The following PCBD2 variants were observed in gnomAD, a reference collection of about 807,000 sequenced individuals.
The protein encoded by PCBD2 is pterin-4 alpha-carbinolamine dehydratase 2, also known as pterin-4-alpha-carbinolamine dehydratase 2.
In PCBD2, 12 loss-of-function variants were observed where a neutral mutation model predicts 16.4. The ratio of observed to expected loss-of-function variants is 0.73; its 90% confidence interval spans 0.47 to 1.19. The LOEUF is 1.19. PCBD2 is among the 50% of genes most tolerant of loss of function. PCBD2 has a pLI of 0.00. For synonymous variants in PCBD2, 58 were observed against 61.8 expected (o/e 0.94, Z 0.29); for missense variants, 138 against 156.8 (o/e 0.88, Z 0.64).
At chr5:134,932,848 CTA>C (rs760834989) in intron 2 of PCBD2, among the ~76,000 whole-genome samples, 71 of 152,020 alleles carry the variant, frequency 4.7e-4, no homozygotes, top group Non-Finnish European at 8.1e-4. Context: ...TTCCATTTTT[CTA>C]TGTGTTTAAA....
Position 134,960,660 on chromosome 5 carries a change from A to G in PCBD2, c.372A>G (p.Glu124=). 6.2e-7 allele frequency: 1 copy of G among 1,611,946 alleles called. No homozygotes were observed. Among genetic ancestry groups the G allele is most frequent in the South Asian group, 1.1e-5 (1 of 90,990 alleles). The change falls in exon 4 of 4, where the codon GAA becomes GAG. Residue 124 remains glutamate (E), a synonymous_variant. Transcript: ENST00000254908. ...ATGTGAAGCTGGCCAAGTTTATTGAAAAAGCAGCTGCTTCTGTGTGATTTC... is the reference window on the plus strand; with the variant it reads ...ATGTGAAGCTGGCCAAGTTTATTGAGAAAGCAGCTGCTTCTGTGTGATTTC... The part of the protein sequence containing the change: ...KKDVKLAKFI[E]KAAASV
intron 2 of PCBD2, among the ~76,000 whole-genome samples, chr5:134,919,743 G>T (rs1750879957): frequency 1.3e-5 from 2 of 152,152 alleles, no homozygotes; most frequent in African/African-American, 4.8e-5. Flanking sequence ...ATAATTGAAA[G>T]GAGACCTTAA....
At chr5:134,946,691 A>C (rs1007281938) in intron 2 of PCBD2, among the ~76,000 whole-genome samples, 3 of 152,216 alleles carry the variant, frequency 2.0e-5, no homozygotes, top group Non-Finnish European at 4.4e-5. Context: ...TGCTTATAGA[A>C]AATGTATTTA....
At chr5:134,959,420 A>C (rs941994292) in intron 3 of PCBD2, among the ~76,000 whole-genome samples, 7 of 152,232 alleles carry the variant, frequency 4.6e-5, no homozygotes, top group Non-Finnish European at 8.8e-5. Flanking sequence ...TTCAAAACTT[A>C]AGGTAAATTA....
intron 2 of PCBD2, among the ~76,000 whole-genome samples, chr5:134,936,691 A>G (rs1213478593): frequency 6.6e-6 from 1 of 152,212 alleles, no homozygotes; most frequent in Non-Finnish European, 1.5e-5. Context: ...GACAGGATTC[A>G]TGACATGCTG....
chr5:134,955,998 G>A (rs1172235963), intron 2 of PCBD2, among the ~76,000 whole-genome samples: 4 of 152,118 alleles, frequency 2.6e-5, no homozygotes. Context: ...AAATTCCTTG[G>A]AGTAGTTCTT....
chr5:134,917,089 A>G (rs1750842588), intron 2 of PCBD2, among the ~76,000 whole-genome samples: 1 of 152,252 alleles, frequency 6.6e-6, no homozygotes, highest in Admixed American at 6.5e-5. Flanking sequence ...ACAAAATGTC[A>G]GGTAGAAATG....
At chr5:134,937,358 C>A (rs1751171820) in intron 2 of PCBD2, among the ~76,000 whole-genome samples, 1 of 152,084 alleles carries the variant, frequency 6.6e-6, no homozygotes. Context: ...TTTTCCCTTA[C>A]TAAAAAAGAT....
At chr5:134,922,366 C>T (rs1750914889) in intron 2 of PCBD2, among the ~76,000 whole-genome samples, 1 of 151,594 alleles carries the variant, frequency 6.6e-6, no homozygotes, top group Non-Finnish European at 1.5e-5. Flanking sequence ...TTCTTTTCTT[C>T]CTTTATTCAA....
chr5:134,935,392 TA>T (rs2149536256), intron 2 of PCBD2, among the ~76,000 whole-genome samples: 1 of 152,360 alleles, frequency 6.6e-6, no homozygotes, highest in African/African-American at 2.4e-5. Context: ...TAAACTCCTT[TA>T]TTCCCCATTA....
At chr5:134,931,384 T>C (rs1751093899) in intron 2 of PCBD2, among the ~76,000 whole-genome samples, 1 of 152,228 alleles carries the variant, frequency 6.6e-6, no homozygotes, top group Admixed American at 6.5e-5. Context: ...CCAAATCAGT[T>C]TTCTTTGTGA....
intron 2 of PCBD2, among the ~76,000 whole-genome samples, chr5:134,913,040 T>C (rs1364645832): frequency 6.6e-6 from 1 of 152,228 alleles, no homozygotes; most frequent in African/African-American, 2.4e-5. Context: ...ATGGGTATGT[T>C]TGTTTGCCAA....
chr5:134,948,369 CTCTA>C (rs1269039859), intron 2 of PCBD2, among the ~76,000 whole-genome samples: 4 of 152,110 alleles, frequency 2.6e-5, no homozygotes, highest in Non-Finnish European at 5.9e-5. Flanking sequence ...GCTGTGTGAA[CTCTA>C]TCTAGTTAGA....
At chr5:134,955,603 C>T (rs1307529426) in intron 2 of PCBD2, among the ~76,000 whole-genome samples, 5 of 152,140 alleles carry the variant, frequency 3.3e-5, no homozygotes, top group Non-Finnish European at 5.9e-5. Context: ...CCACCACGCC[C>T]AGCCAACAAT....
intron 2 of PCBD2, among the ~76,000 whole-genome samples, chr5:134,947,389 A>ATTTTT (rs1220114582): frequency 3.9e-5 from 4 of 103,052 alleles, no homozygotes; most frequent in East Asian, 2.8e-4. Flanking sequence ...CCCGGCCTCA[A>ATTTTT]TTTTTTTTTT....
intron 2 of PCBD2, chr5:134,926,141 A>G: frequency 3.1e-6 from 1 of 325,224 alleles, no homozygotes; most frequent in East Asian, 4.8e-5. Flanking sequence ...GAGCTTATAT[A>G]TCATAGTGAG....
chr5:134,927,435 A>G (rs1751024259), intron 2 of PCBD2: 1 of 398,282 alleles, frequency 2.5e-6, no homozygotes, highest in Non-Finnish European at 4.4e-6. Context: ...TATAAAAGCT[A>G]TTGTGTACGC....
In PCBD2 at chr5:134,924,637, G is replaced by A. The variant is rs559889184; in HGVS notation, c.216+14171G>A. On this transcript the variant is annotated intron_variant, in intron 2 of 3. Transcript: ENST00000254908. ...GTGTATATTGTACTAGAGATTGCTC[G>A]GGGGAATAGATTATGTGATTAGGAG... is the stretch of plus-strand genomic sequence containing the variant. 25 of 397,394 alleles carry A rather than the reference G, an allele frequency of 6.3e-5. No individual in the cohort carries two copies. The South Asian group carries it at 2.6e-3, about 41-fold the overall frequency. 24.6% of individuals were successfully genotyped at this position (397,394 alleles called of 1,614,324 possible). A position where few individuals can be genotyped will look rare whatever the true frequency, so the allele number is the denominator to read the frequency against.
At chr5:134,934,808 A>G (rs1218270374) in intron 2 of PCBD2, among the ~76,000 whole-genome samples, 2 of 152,302 alleles carry the variant, frequency 1.3e-5, no homozygotes, top group African/African-American at 2.4e-5. Context: ...GATGCGGCTC[A>G]TATATTAAAA....
Sources: gnomAD v4.1 joint callset for allele counts (sites outside exome capture counted in the v4.1 genomes callset) on GRCh38, gnomAD v4.1.1 for gene constraint, MANE v1.5 for transcripts, NCBI Gene and HGNC (gene_info 2026-07-23, HGNC 2026-07-21) for gene names.